The following NSD1 variants were observed in gnomAD, a reference collection of about 807,000 sequenced individuals.
NSD1 encodes the protein histone-lysine N-methyltransferase, H3 lysine-36 specific.
A neutral mutation model predicts 242.7 loss-of-function variants in NSD1; 26 were observed. The ratio of observed to expected loss-of-function variants is 0.11; its 90% CI spans 0.08 to 0.15. The LOEUF is 0.15. NSD1 is among the 10% of genes least tolerant of loss of function. NSD1 has a pLI of 1.00. For synonymous variants in NSD1, 1,106 were observed against 1,178.1 expected, an observed-to-expected ratio of 0.94 and a Z score of 1.25; for missense variants, 2,495 against 3,272.8, an observed-to-expected ratio of 0.76 and a Z score of 5.80.
chr5:177,150,877 AC>A (rs2149776494), intron 2 of NSD1, among the ~76,000 whole-genome samples: 1 of 152,342 alleles, frequency 6.6e-6, no homozygotes, highest in African/African-American at 2.4e-5. Context: ...AGTGAAAATA[AC>A]AGACATTAAT....
rs1757600048 is a variant in NSD1 at position 177,267,617 on chromosome 5, G to C, written c.5202G>C (p.Leu1734=). The C allele has an allele frequency of 3.1e-6, 5 of 1,614,072 alleles. No individual in the cohort carries two copies. Among genetic ancestry groups the C allele is most frequent in the Non-Finnish European group, 4.2e-6 (5 of 1,180,002 alleles). The change falls in exon 15 of 23, where the codon CTG becomes CTC. Residue 1734 remains leucine (L), a synonymous_variant. Transcript: ENST00000439151. ...SCPAAFHREC[L]NIDIPEGNWY... ...CTGCTGCTTTTCATCGTGAATGCCT[G>C]AACATTGATATCCCTGAAGGAAACT...
At chr5:177,177,936 C>T (rs1322556290) in intron 2 of NSD1, among the ~76,000 whole-genome samples, 3 of 152,018 alleles carry the variant, frequency 2.0e-5, no homozygotes, top group African/African-American at 2.4e-5. Context: ...GCTCTGTCGC[C>T]CAGGCTGGTG....
chr5:177,267,732 A>C lies in NSD1; in HGVS notation c.5303+14A>C, dbSNP rs746028428. The C allele has an allele frequency of 6.2e-7, 1 of 1,612,844 alleles. No individual in the cohort carries two copies. The highest frequency in any genetic ancestry group is 1.1e-5 in the South Asian group (1 of 90,950). On this transcript the variant is annotated intron_variant, in intron 15 of 22. Coordinates refer to ENST00000439151, the MANE Select transcript of NSD1 (RefSeq NM_022455.5). Reference sequence around the variant, plus strand: ...TGGACGATACAGGTAAGCCTGAAGAATAGCACTCATCTCTTTTACCATCCT... The same window carrying C: ...TGGACGATACAGGTAAGCCTGAAGACTAGCACTCATCTCTTTTACCATCCT...
intron 5 of NSD1, among the ~76,000 whole-genome samples, chr5:177,222,269 C>T (rs998829417): frequency 2.6e-5 from 4 of 152,182 alleles, no homozygotes; most frequent in African/African-American, 7.2e-5. Flanking sequence ...GCTTGGACTA[C>T]AGGCGCGCAC....
At chr5:177,265,535 G>GC (rs1757358478) in intron 14 of NSD1, 2 of 811,418 alleles carry the variant, frequency 2.5e-6, no homozygotes, top group Non-Finnish European at 4.1e-6. Flanking sequence ...GGAATGCTCA[G>GC]CCCCTGGGCC....
intron 2 of NSD1, among the ~76,000 whole-genome samples, chr5:177,164,188 C>T (rs1299198702): frequency 7.0e-6 from 1 of 142,576 alleles, no homozygotes; most frequent in Non-Finnish European, 1.5e-5. Context: ...TGGAGTCTAG[C>T]TCTGTTGCCC....
Position 177,210,096 on chromosome 5 carries a change from G to A in NSD1, c.1697G>A (p.Gly566Glu), listed in dbSNP as rs1428724191. 2.5e-6 allele frequency: 4 copies of A among 1,613,526 alleles called. No individual in the cohort carries two copies. The highest frequency in any genetic ancestry group is 2.2e-5 in the East Asian group (1 of 44,882). The change falls in exon 5 of 23, where the codon GGA becomes GAA. Residue 566 changes from glycine to glutamate, a missense_variant. This residue lies in a region of NSD1 where 515 missense variants were observed against 467.0 expected (regional missense o/e 1.10). Transcript: ENST00000439151. ...CTCACAGGGTCCAACACTGCCCCAG[G>A]AAGTTTTCTGTTTTCTTCCTGTGGA... Reference protein sequence around the residue: ...NSLTGSNTAPGSFLFSSCGKN... With the variant: ...NSLTGSNTAPESFLFSSCGKN...
At chr5:177,153,802 C>T (rs1001922409) in intron 2 of NSD1, among the ~76,000 whole-genome samples, 3 of 152,030 alleles carry the variant, frequency 2.0e-5, no homozygotes, top group Non-Finnish European at 4.4e-5. Flanking sequence ...TTTTAATATC[C>T]AGTACTATGC....
chr5:177,144,997 A>G (rs1189535844), intron 2 of NSD1, among the ~76,000 whole-genome samples: 1 of 150,986 alleles, frequency 6.6e-6, no homozygotes, highest in Non-Finnish European at 1.5e-5. Context: ...ATGCAGGAGG[A>G]TCGCTTGAAC....
rs1227304637 is a variant in NSD1, at chr5:177,262,979, TGAA to T, written c.5146+2813_5146+2815del. Among the ~76,000 whole-genome samples the T allele has an allele frequency of 4.6e-5, 7 of 152,354 alleles. No homozygotes were observed. The East Asian group carries it at 1.3e-3, about 29-fold the overall frequency. On this transcript the variant is annotated intron_variant, in intron 14 of 22. Coordinates refer to ENST00000439151, the MANE Select transcript of NSD1 (RefSeq NM_022455.5). ...AATTGTGTATTCAGTGAAAGGCTGA[TGAA>T]GGATTCAAAAGAATGCAACCTTTTG...
rs142054758 is a variant in NSD1, at chr5:177,298,750, A to G, written c.*3291A>G. The G allele has an allele frequency of 5.0e-3, 1,168 of 233,276 alleles. 2 individuals carry two copies. The highest frequency in any genetic ancestry group is 7.2e-3 in the Non-Finnish European group (848 of 118,056). The allele number at this position is 233,276 out of a possible 1,614,324, so 14.5% of individuals were successfully genotyped here. A position where few individuals can be genotyped will look rare whatever the true frequency, so the allele number is the denominator to read the frequency against. ...AGCCGGACTCCCAGGTTGTAATTCT[A>G]ATGTTGCCTCATGAGAACAGAATGG... On this transcript the variant is annotated 3_prime_UTR_variant, in exon 23 of 23. Coordinates refer to ENST00000439151, the MANE Select transcript of NSD1 (RefSeq NM_022455.5).
chr5:177,170,237 G>A (rs930643077), intron 2 of NSD1, among the ~76,000 whole-genome samples: 2 of 152,068 alleles, frequency 1.3e-5, no homozygotes, highest in Non-Finnish European at 2.9e-5. Context: ...CTCCCAAAGT[G>A]CTGGGATTAC....
chr5:177,240,579 G>A (rs1254258942), intron 8 of NSD1, among the ~76,000 whole-genome samples: 1 of 152,080 alleles, frequency 6.6e-6, no homozygotes, highest in Non-Finnish European at 1.5e-5. Context: ...TGGGCGTGGT[G>A]GCAGGCGCCT....
chr5:177,213,002 C>T (rs146134516), intron 5 of NSD1, among the ~76,000 whole-genome samples: 2,352 of 152,108 alleles, frequency 0.015, 28 homozygotes, highest in Non-Finnish European at 0.022. Flanking sequence ...GAACCACATG[C>T]GCTTTTGAAA....
At chr5:177,239,195 G>A (rs977278261) in intron 7 of NSD1, among the ~76,000 whole-genome samples, 4 of 152,110 alleles carry the variant, frequency 2.6e-5, no homozygotes, top group Admixed American at 6.5e-5. Context: ...TTAAAGAAAC[G>A]ATTCCAATTG....
At position 177,146,395 on chromosome 5, in the gene NSD1, G is replaced by A. The variant is rs1039764255; in HGVS notation, c.927+10365G>A. ...TAGTTTTTGTATTTTTAGTAGAGACGGTGTTTCACCGTGTTATCCAGGGTG... is the reference window on the plus strand; with the variant it reads ...TAGTTTTTGTATTTTTAGTAGAGACAGTGTTTCACCGTGTTATCCAGGGTG... On this transcript the variant is annotated intron_variant, in intron 2 of 22. Coordinates refer to ENST00000439151, the MANE Select transcript of NSD1 (RefSeq NM_022455.5). Among the ~76,000 whole-genome samples, 23 of 151,528 alleles carry A rather than the reference G, an allele frequency of 1.5e-4. 1 individual carries two copies. The highest frequency in any genetic ancestry group is 1.1e-3 in the Admixed American group (16 of 15,182).
chr5:177,137,625 T>C lies in NSD1; in HGVS notation c.927+1595T>C, dbSNP rs545800685. On this transcript the variant is annotated intron_variant, in intron 2 of 22. Coordinates refer to ENST00000439151, the MANE Select transcript of NSD1 (RefSeq NM_022455.5). Reference sequence around the variant, plus strand: ...ATTGGCAGCTCAGACAAATCCTTTTTCTTGGGTTCACGTTGAAATTTATTT... The same window carrying C: ...ATTGGCAGCTCAGACAAATCCTTTTCCTTGGGTTCACGTTGAAATTTATTT... 2.0e-5 allele frequency among the ~76,000 whole-genome samples: 3 copies of C among 152,318 alleles called. No individual in the cohort carries two copies. The South Asian group carries it at 6.2e-4, about 32-fold the overall frequency.
At chr5:177,288,245 A>G (rs1350220802) in intron 20 of NSD1, among the ~76,000 whole-genome samples, 1 of 152,148 alleles carries the variant, frequency 6.6e-6, no homozygotes, top group Non-Finnish European at 1.5e-5. Flanking sequence ...TGCTATGTGC[A>G]TTTTGTCATA....
chr5:177,213,568 C>T (rs1039453608), intron 5 of NSD1, among the ~76,000 whole-genome samples: 7 of 152,044 alleles, frequency 4.6e-5, no homozygotes, highest in East Asian at 1.9e-4. Flanking sequence ...CCCGGGTTCA[C>T]GCCATTCTCC....
Sources: gnomAD v4.1 joint callset for allele counts (sites outside exome capture counted in the v4.1 genomes callset) on GRCh38, gnomAD v4.1.1 for gene constraint, gnomAD v4.1.1 regional missense constraint, MANE v1.5 for transcripts, NCBI Gene and HGNC (gene_info 2026-07-23, HGNC 2026-07-21) for gene names.